FHL2: variants seen among roughly 807,000 people sequenced by gnomAD.
The protein encoded by FHL2 is four and a half LIM domains protein 2.
FHL2 carries 20 observed loss-of-function variants against 32.7 expected under a neutral mutation model. That is an observed-to-expected ratio of 0.61 (90% CI 0.43 to 0.89). FHL2 has a LOEUF of 0.89. FHL2 is among the 40% of genes least tolerant of loss of function. FHL2 has a pLI of 0.00. For synonymous variants in FHL2, 123 were observed against 128.1 expected, an observed-to-expected ratio of 0.96 and a Z score of 0.27; for missense variants, 311 against 358.6, an observed-to-expected ratio of 0.87 and a Z score of 1.07.
At chr2:105,423,084 G>C (rs566289134) in intron 1 of FHL2, among the ~76,000 whole-genome samples, 1 of 152,256 alleles carries the variant, frequency 6.6e-6, no homozygotes, top group African/African-American at 2.4e-5. Flanking sequence ...CAAGCGTCAG[G>C]TCCCTGGGGC....
At chr2:105,391,660 CA>C (rs1682742782) in intron 2 of FHL2, among the ~76,000 whole-genome samples, 1 of 152,190 alleles carries the variant, frequency 6.6e-6, no homozygotes, top group Non-Finnish European at 1.5e-5. Context: ...CTATGCAAGA[CA>C]GGGGGCAATG....
intron 4 of FHL2, among the ~76,000 whole-genome samples, chr2:105,368,186 A>G (rs1407161840): frequency 1.3e-5 from 2 of 152,196 alleles, no homozygotes; most frequent in Non-Finnish European, 2.9e-5. Flanking sequence ...GGAAATGGCT[A>G]GAGTGTGAAT....
At chr2:105,402,247 G>GTATA (rs148492419), upstream of FHL2, among the ~76,000 whole-genome samples, 12 of 150,188 alleles carry the variant, frequency 8.0e-5, no homozygotes, top group African/African-American at 2.7e-4. Context: ...GTGTGTGTGT[G>GTATA]TATATATATA....
chr2:105,409,658 TTATTGTTCACA>T lies in FHL2; in HGVS notation c.-24-23129_-24-23119del, dbSNP rs1340811418. On this transcript the variant is annotated intron_variant, in intron 1 of 5. Transcript: ENST00000393352. The stretch of plus-strand genomic sequence containing the variant: ...TGATGTGTTAGTAAATAATATGATA[TTATTGTTCACA>T]TGCCCATCTAGGCTCTTTGTCCCAG... Among the ~76,000 whole-genome samples the T allele has an allele frequency of 6.6e-5, 10 of 152,192 alleles. No homozygotes were observed. In the East Asian group the frequency reaches 9.6e-4, roughly 15 times the overall value.
chr2:105,381,839 C>T (rs912137151), intron 3 of FHL2, among the ~76,000 whole-genome samples: 2 of 152,186 alleles, frequency 1.3e-5, no homozygotes, highest in African/African-American at 2.4e-5. Context: ...ACCAGGTTGG[C>T]AGGCTGGACC....
intron 1 of FHL2, among the ~76,000 whole-genome samples, chr2:105,415,517 C>G (rs2104661302): frequency 6.6e-6 from 1 of 152,296 alleles, no homozygotes; most frequent in East Asian, 1.9e-4. Flanking sequence ...CTTACCACAG[C>G]AAAGGTGGTT....
chr2:105,409,920 G>A (rs1370136574), intron 1 of FHL2, among the ~76,000 whole-genome samples: 3 of 152,218 alleles, frequency 2.0e-5, no homozygotes, highest in East Asian at 1.9e-4. Flanking sequence ...ACTCCCACAC[G>A]AGGGCCAGTG....
intron 2 of FHL2, among the ~76,000 whole-genome samples, chr2:105,387,850 C>G (rs1017909827): frequency 6.6e-6 from 1 of 152,176 alleles, no homozygotes. Context: ...AACATGGAAT[C>G]AACCTAAATG....
intron 6 of FHL2, 188 bp downstream of exon 6, chr2:105,363,097 A>C: frequency 1.7e-6 from 1 of 586,764 alleles, no homozygotes; most frequent in Non-Finnish European, 3.1e-6. Context: ...AGAGGAAGGA[A>C]TCATTACTTG....
At chr2:105,401,145 T>C (rs1683456431), upstream of FHL2, among the ~76,000 whole-genome samples, 1 of 151,076 alleles carries the variant, frequency 6.6e-6, no homozygotes, top group African/African-American at 2.4e-5. Flanking sequence ...TGAGACAACC[T>C]TGGAAAATAT....
At chr2:105,379,156 T>C (rs982652380) in intron 3 of FHL2, among the ~76,000 whole-genome samples, 3 of 152,306 alleles carry the variant, frequency 2.0e-5, no homozygotes, top group Middle Eastern at 3.4e-3. Flanking sequence ...TACATCACCA[T>C]TGGGAAGTAA....
At chr2:105,379,634 C>G (rs912579982) in intron 3 of FHL2, among the ~76,000 whole-genome samples, 19 of 152,322 alleles carry the variant, frequency 1.2e-4, no homozygotes, top group Middle Eastern at 3.4e-3. Context: ...AAACTGTGCT[C>G]CTGTTTTTTA....
intron 1 of FHL2, among the ~76,000 whole-genome samples, chr2:105,437,572 CT>C (rs1323611566): frequency 1.3e-5 from 2 of 152,180 alleles, no homozygotes; most frequent in African/African-American, 4.8e-5. Flanking sequence ...TTTATTAACA[CT>C]ATCTTTGGAC....
At position 105,397,010 on chromosome 2, in the gene FHL2, G is replaced by T. The variant is rs369765425; in HGVS notation, c.-75-313C>A. On this transcript the variant is annotated intron_variant, in intron 1 of 6. Coordinates refer to ENST00000530340, the MANE Select transcript of FHL2 (RefSeq NM_001318895.3). Reference sequence around the variant, plus strand: ...GTAAACTACTCCTGATATCTAGTCTGTTTTTTTTTTTTTTTTTTTTTGGCA... The same window carrying T: ...GTAAACTACTCCTGATATCTAGTCTTTTTTTTTTTTTTTTTTTTTTTGGCA... 1.7e-3 allele frequency: 189 copies of T among 108,622 alleles called. 1 individual carries two copies. Among genetic ancestry groups the T allele is most frequent in the East Asian group, 3.6e-3 (13 of 3,616 alleles). The allele number at this position is 108,622 out of a possible 1,614,324, so 6.7% of individuals were successfully genotyped here. A position where few individuals can be genotyped will look rare whatever the true frequency, so the allele number is the denominator to read the frequency against.
At chr2:105,435,493 C>T (rs1285483160) in intron 1 of FHL2, among the ~76,000 whole-genome samples, 1 of 152,164 alleles carries the variant, frequency 6.6e-6, no homozygotes, top group Non-Finnish European at 1.5e-5. Flanking sequence ...ATGGCTTCTA[C>T]TTAACGTGAA....
intron 3 of FHL2, among the ~76,000 whole-genome samples, chr2:105,380,778 AAAAG>A (rs1261191088): frequency 6.6e-6 from 1 of 152,246 alleles, no homozygotes; most frequent in Admixed American, 6.5e-5. Flanking sequence ...ATTGAAAACA[AAAAG>A]AAAGAAAAAA....
chr2:105,393,212 T>C (rs1298125982), intron 2 of FHL2, among the ~76,000 whole-genome samples: 1 of 152,116 alleles, frequency 6.6e-6, no homozygotes, highest in Non-Finnish European at 1.5e-5. Flanking sequence ...TGGGCCCATT[T>C]TCTCCTCCCC....
chr2:105,417,817 T>C (rs1683978097), intron 1 of FHL2, among the ~76,000 whole-genome samples: 1 of 152,194 alleles, frequency 6.6e-6, no homozygotes, highest in South Asian at 2.1e-4. Context: ...GCTGGGCTTT[T>C]CTTTTTCCCC....
At position 105,382,826 on chromosome 2, in the gene FHL2, C is replaced by T. The variant is rs146319366; in HGVS notation, c.156+3535G>A. On this transcript the variant is annotated intron_variant, in intron 3 of 6. Coordinates refer to ENST00000530340, the MANE Select transcript of FHL2 (RefSeq NM_001318895.3). ...ACGTGTGTCGCCCAGGGCTTAAAAT[C>T]ACCAATTTGTTAAATGCACAGTATT... Among the ~76,000 whole-genome samples the T allele has an allele frequency of 4.9e-4, 75 of 152,312 alleles. No homozygotes were observed. In the East Asian group the frequency reaches 0.013, roughly 27 times the overall value.
Sources: allele counts gnomAD v4.1 joint callset (sites outside exome capture counted in the v4.1 genomes callset), GRCh38; gene constraint gnomAD v4.1.1; transcripts MANE v1.5; gene names NCBI Gene and HGNC (gene_info 2026-07-23, HGNC 2026-07-21).